The following SLC4A4 variants were observed in gnomAD, a reference collection of about 807,000 sequenced individuals.
SLC4A4 encodes the protein solute carrier family 4 member 4.
In SLC4A4, 27 loss-of-function variants were observed where a neutral mutation model predicts 111.5. The observed-to-expected ratio is 0.24, with a 90% CI of 0.18 to 0.33. The LOEUF (loss-of-function observed/expected upper bound fraction) is 0.33. Among genes scored for constraint, SLC4A4 ranks in the 10% least tolerant of loss-of-function variants. The probability of loss-of-function intolerance (pLI) is 1.00; values close to 1 mark genes in which losing one functional copy is unlikely to be tolerated. For synonymous variants in SLC4A4, 443 were observed against 463.4 expected (o/e 0.96, Z 0.57); for missense variants, 909 against 1,315.5 (o/e 0.69, Z 4.78).
chr4:71,472,865 G>A lies in SLC4A4; in HGVS notation c.1798G>A (p.Ala600Thr), dbSNP rs1728011389. Residue 600 changes from alanine (A) to threonine (T), a missense_variant, in exon 14 of 26, where the codon GCT (alanine) becomes ACT (threonine). Physicochemically the swap from Ala to Thr is moderately conservative, Grantham distance 58 (BLOSUM62 0). Around this residue, in one of 7 missense-constraint regions of SLC4A4, gnomAD observed 264 missense variants for 356.8 expected, o/e 0.74. Transcript: ENST00000264485. ...GATTAGCTTCATCTTTATCTATGATGCTTTCAAGAAGATGATCAAGCTTGC... is the reference window on the plus strand; with the variant it reads ...GATTAGCTTCATCTTTATCTATGATACTTTCAAGAAGATGATCAAGCTTGC... ...SLISFIFIYD[A>T]FKKMIKLADY... 1 of 1,612,766 alleles carries A rather than the reference G, an allele frequency of 6.2e-7. No individual in the cohort carries two copies. Among genetic ancestry groups the A allele is most frequent in the Non-Finnish European group, 8.5e-7 (1 of 1,179,352 alleles).
At chr4:71,279,891 G>C (rs568097660) in intron 3 of SLC4A4, among the ~76,000 whole-genome samples, 1 of 152,138 alleles carries the variant, frequency 6.6e-6, no homozygotes, top group African/African-American at 2.4e-5. Context: ...TGCTTCCCGG[G>C]TTCAAGAGAT....
chr4:71,385,917 T>A (rs1290685065), intron 6 of SLC4A4, among the ~76,000 whole-genome samples: 2 of 152,190 alleles, frequency 1.3e-5, no homozygotes, highest in African/African-American at 2.4e-5. Flanking sequence ...TTGGAGACCA[T>A]ATATCTCTTT....
intron 1 of SLC4A4, among the ~76,000 whole-genome samples, chr4:71,212,052 A>T (rs577202705): frequency 6.6e-6 from 1 of 152,338 alleles, no homozygotes; most frequent in East Asian, 1.9e-4. Context: ...GTGTGTGAAG[A>T]CAACTAAGAT....
At chr4:71,352,659 G>A (rs2148906186) in intron 5 of SLC4A4, among the ~76,000 whole-genome samples, 1 of 152,296 alleles carries the variant, frequency 6.6e-6, no homozygotes, top group East Asian at 1.9e-4. Context: ...GAAGATGAAG[G>A]TGGACCTTTC....
chr4:71,117,124 G>A (rs1411343946), intron 2 of SLC4A4, among the ~76,000 whole-genome samples: 5 of 152,054 alleles, frequency 3.3e-5, no homozygotes, highest in African/African-American at 1.2e-4. Flanking sequence ...CTACAGGTGT[G>A]CACCACCGTG....
chr4:71,102,919 A>C (rs1238105638), intron 2 of SLC4A4, among the ~76,000 whole-genome samples: 5 of 151,640 alleles, frequency 3.3e-5, no homozygotes, highest in Non-Finnish European at 7.4e-5. Context: ...CACACATAAC[A>C]ATATTAACTT....
chr4:71,176,943 T>C (rs1292824048), intron 2 of SLC4A4, among the ~76,000 whole-genome samples: 4 of 152,230 alleles, frequency 2.6e-5, no homozygotes, highest in South Asian at 4.1e-4. Context: ...GTCGGGTTAC[T>C]CACAAAGGGA....
intron 3 of SLC4A4, among the ~76,000 whole-genome samples, chr4:71,338,102 G>T (rs900492064): frequency 1.1e-4 from 16 of 147,486 alleles, no homozygotes; most frequent in Non-Finnish European, 2.4e-4. Flanking sequence ...CAAAGTGTTG[G>T]GATCGCAGGT....
chr4:71,100,438 G>C (rs1742693159), intron 2 of SLC4A4, among the ~76,000 whole-genome samples: 1 of 151,768 alleles, frequency 6.6e-6, no homozygotes, highest in Non-Finnish European at 1.5e-5. Flanking sequence ...GGTATTAAAG[G>C]AAACTACCTA....
At chr4:71,408,591 A>G (rs532293831) in intron 7 of SLC4A4, among the ~76,000 whole-genome samples, 5 of 152,240 alleles carry the variant, frequency 3.3e-5, no homozygotes, top group African/African-American at 1.2e-4. Flanking sequence ...CTCTATCCAC[A>G]CTGTAAAGAA....
intron 6 of SLC4A4, among the ~76,000 whole-genome samples, chr4:71,397,136 G>C (rs935908907): frequency 6.6e-6 from 1 of 152,184 alleles, no homozygotes; most frequent in Non-Finnish European, 1.5e-5. Flanking sequence ...AGGCCTGGGG[G>C]AGAGGAGGTC....
intron 2 of SLC4A4, among the ~76,000 whole-genome samples, chr4:71,153,474 C>T (rs187720751): frequency 9.1e-4 from 138 of 152,252 alleles, no homozygotes; most frequent in African/African-American, 3.2e-3. Context: ...GGTTTTGAAA[C>T]CCAGCTCTCC....
chr4:71,152,973 A>G (rs1744350965), intron 2 of SLC4A4, among the ~76,000 whole-genome samples: 1 of 139,448 alleles, frequency 7.2e-6, no homozygotes, highest in Non-Finnish European at 1.5e-5. Context: ...GTGTATATAT[A>G]TGTAAATATA....
chr4:71,321,086 G>T (rs1245616730), intron 3 of SLC4A4, among the ~76,000 whole-genome samples: 1 of 151,982 alleles, frequency 6.6e-6, no homozygotes, highest in East Asian at 1.9e-4. Flanking sequence ...TTACTCTGTA[G>T]AATGCATAAG....
chr4:71,203,234 C>A (rs983276507), intron 1 of SLC4A4, among the ~76,000 whole-genome samples: 5 of 152,082 alleles, frequency 3.3e-5, no homozygotes, highest in African/African-American at 9.7e-5. Flanking sequence ...AATACATAAA[C>A]CCTCTTTTTA....
At chr4:71,477,408 C>T (rs560283049) in intron 14 of SLC4A4, among the ~76,000 whole-genome samples, 156 of 151,702 alleles carry the variant, frequency 1.0e-3, no homozygotes, top group Non-Finnish European at 1.5e-3. Flanking sequence ...ATAAATTTTC[C>T]TAGGGAAAGA....
At chr4:71,150,855 C>T (rs763640326) in intron 2 of SLC4A4, among the ~76,000 whole-genome samples, 5 of 152,050 alleles carry the variant, frequency 3.3e-5, no homozygotes, top group South Asian at 2.1e-4. Context: ...TACTTCTATG[C>T]GCTCAAAGGT....
chr4:71,236,391 G>A (rs1578646948), intron 1 of SLC4A4, 185 bp from the exon 2 acceptor site: 2 of 766,444 alleles, frequency 2.6e-6, no homozygotes, highest in Non-Finnish European at 4.0e-6. Flanking sequence ...TGTGGGACCG[G>A]CATATTCTCG....
intron 3 of SLC4A4, among the ~76,000 whole-genome samples, chr4:71,267,302 T>C (rs1722341308): frequency 6.6e-6 from 1 of 152,000 alleles, no homozygotes; most frequent in Non-Finnish European, 1.5e-5. Flanking sequence ...AGGAAAGGCT[T>C]CTCTGAGAAA....
Sources: allele counts gnomAD v4.1 joint callset (sites outside exome capture counted in the v4.1 genomes callset), GRCh38; gene constraint gnomAD v4.1.1; regional missense constraint gnomAD v4.1.1; transcripts MANE v1.5; gene names NCBI Gene and HGNC (gene_info 2026-07-23, HGNC 2026-07-21).